The following SLC25A53 variants were observed in gnomAD, a reference collection of about 807,000 sequenced individuals.
SLC25A53 encodes the protein solute carrier family 25 member 53, also known as mitochondrial carrier triple repeat protein 6.
In SLC25A53, 5 loss-of-function variants were observed where a neutral mutation model predicts 15.0. The ratio of observed to expected loss-of-function variants is 0.33; its 90% CI spans 0.17 to 0.70. The LOEUF (loss-of-function observed/expected upper bound fraction) is 0.70. Among genes scored for constraint, SLC25A53 ranks in the 30% least tolerant of loss-of-function variants. SLC25A53 has a pLI of 0.67. For synonymous variants in SLC25A53, 95 were observed against 100.0 expected, an observed-to-expected ratio of 0.95 and a Z score of 0.30; for missense variants, 216 against 241.6, an observed-to-expected ratio of 0.89 and a Z score of 0.70.
At chrX:104,148,657 G>A (rs2075476239) in intron 1 of SLC25A53, among the ~76,000 whole-genome samples, 1 of 110,127 alleles carries the variant, frequency 9.1e-6, no homozygotes, top group East Asian at 2.9e-4. Flanking sequence ...CACAGGAAGG[G>A]GAACATCACA....
intron 1 of SLC25A53, among the ~76,000 whole-genome samples, chrX:104,136,253 A>G (rs2075436468): frequency 1.8e-5 from 2 of 111,383 alleles, no homozygotes; most frequent in African/African-American, 3.3e-5. Flanking sequence ...GTCTCAAAAG[A>G]TGTCAGTTTT....
At chrX:104,136,623 T>G (rs188882148) in intron 1 of SLC25A53, among the ~76,000 whole-genome samples, 22 of 112,197 alleles carry the variant, frequency 2.0e-4, no homozygotes, top group African/African-American at 7.1e-4. Flanking sequence ...CTATCTAGCA[T>G]CCCTTTACTT....
chrX:104,140,650 A>C (rs2075448521), intron 1 of SLC25A53, among the ~76,000 whole-genome samples: 1 of 111,534 alleles, frequency 9.0e-6, no homozygotes, highest in African/African-American at 3.3e-5. Flanking sequence ...GGAATACCAT[A>C]AACAGTAGAG....
rs368560713 is a variant in SLC25A53 at position 104,104,121 on chromosome X, G to A, written c.*213C>T. On this transcript the variant is annotated 3_prime_UTR_variant, in exon 2 of 2. Coordinates refer to ENST00000594199, the MANE Select transcript of SLC25A53 (RefSeq NM_001012755.5). ...TGGCTCTGAGGCTACTGAAACTGTGGAGAGACTGGGGTGAACGTTTCTTTT... is the reference window on the plus strand; with the variant it reads ...TGGCTCTGAGGCTACTGAAACTGTGAAGAGACTGGGGTGAACGTTTCTTTT... 2.5e-6 allele frequency: 1 copy of A among 398,679 alleles called. No homozygotes were observed. Among genetic ancestry groups the A allele is most frequent in the African/African-American group, 2.5e-5 (1 of 39,945 alleles). The allele number at this position is 398,679 out of a possible 1,213,427, so 32.9% of individuals were successfully genotyped here. A position where few individuals can be genotyped will look rare whatever the true frequency, so the allele number is the denominator to read the frequency against.
At chrX:104,123,584 T>C (rs1219374995) in intron 1 of SLC25A53, among the ~76,000 whole-genome samples, 1 of 111,169 alleles carries the variant, frequency 9.0e-6, no homozygotes, top group African/African-American at 3.3e-5. Flanking sequence ...TTTAAAATTA[T>C]ACTTTAAGTT....
At chrX:104,114,016 C>T (rs2075362698) in intron 1 of SLC25A53, 2 of 1,168,192 alleles carry the variant, frequency 1.7e-6, no homozygotes, top group East Asian at 3.0e-5. Flanking sequence ...AAGGCAGGCA[C>T]AGCCCAGGAA....
chrX:104,144,486 C>T (rs2075460124), intron 1 of SLC25A53, among the ~76,000 whole-genome samples: 1 of 110,982 alleles, frequency 9.0e-6, no homozygotes, highest in African/African-American at 3.3e-5. Flanking sequence ...CAGTAGAGGT[C>T]CACTCCAGAC....
At chrX:104,156,284 T>C (rs1402971379) in intron 1 of SLC25A53, among the ~76,000 whole-genome samples, 4 of 110,678 alleles carry the variant, frequency 3.6e-5, no homozygotes, top group African/African-American at 1.3e-4. Context: ...TGGCACCCAA[T>C]AGATTTTCAT....
chrX:104,152,689 C>G (rs973812494), intron 1 of SLC25A53, among the ~76,000 whole-genome samples: 6 of 111,569 alleles, frequency 5.4e-5, no homozygotes, highest in Admixed American at 1.9e-4. Context: ...CCACCTGCCT[C>G]GGCCTCCTAA....
At chrX:104,107,178 C>G (rs1556356486) in intron 1 of SLC25A53, among the ~76,000 whole-genome samples, 1 of 111,553 alleles carries the variant, frequency 9.0e-6, no homozygotes, top group East Asian at 2.8e-4. Flanking sequence ...TTTGCTCCAT[C>G]CATTTTCTCA....
rs2075272613 is a variant in SLC25A53 at position 104,099,538 on chromosome X, T to C, written c.*4796A>G. On this transcript the variant is annotated 3_prime_UTR_variant, in exon 2 of 2. Transcript: ENST00000594199. Reference sequence around the variant, plus strand: ...AATAAAAATGGATCAACTACAGCTATCTGCAATATCAATGAGTCTCACAAG... The same window carrying C: ...AATAAAAATGGATCAACTACAGCTACCTGCAATATCAATGAGTCTCACAAG... The C allele has an allele frequency of 8.9e-6, 1 of 112,353 alleles. No homozygotes were observed. Among genetic ancestry groups the C allele is most frequent in the Non-Finnish European group, 1.9e-5 (1 of 53,292 alleles). 9.3% of individuals were successfully genotyped at this position (112,353 alleles called of 1,213,427 possible). A position where few individuals can be genotyped will look rare whatever the true frequency, so the allele number is the denominator to read the frequency against.
intron 1 of SLC25A53, among the ~76,000 whole-genome samples, chrX:104,116,572 G>A (rs1366203279): frequency 1.8e-5 from 2 of 111,439 alleles, no homozygotes; most frequent in African/African-American, 6.5e-5. Context: ...ACAGGGACAG[G>A]AGGCCTGGCA....
In SLC25A53 at chrX:104,099,798, C is replaced by G. The variant is rs1556351799; in HGVS notation, c.*4536G>C. ...GGTTATTAAAGGGCTCTATTTCTTG[C>G]TCTGGCTGGTTATTACATGGGTGAT... On this transcript the variant is annotated 3_prime_UTR_variant, in exon 2 of 2. Transcript: ENST00000594199. 8.9e-6 allele frequency: 1 copy of G among 111,788 alleles called. No homozygotes were observed. The highest frequency in any genetic ancestry group is 1.9e-5 in the Non-Finnish European group (1 of 53,156). The allele number at this position is 111,788 out of a possible 1,213,427, so 9.2% of individuals were successfully genotyped here. A position where few individuals can be genotyped will look rare whatever the true frequency, so the allele number is the denominator to read the frequency against.
chrX:104,125,042 G>A (rs541417015), intron 1 of SLC25A53, among the ~76,000 whole-genome samples: 3 of 107,610 alleles, frequency 2.8e-5, no homozygotes, highest in Non-Finnish European at 3.8e-5. Context: ...ATGGGGTTTC[G>A]CCATGTTGGC....
chrX:104,121,922 T>TATAG (rs1569462370), intron 1 of SLC25A53, among the ~76,000 whole-genome samples: 3 of 45,381 alleles, frequency 6.6e-5, no homozygotes, highest in African/African-American at 2.4e-4. Flanking sequence ...TATATATATA[T>TATAG]ATATATATAT....
At chrX:104,114,245 T>C in intron 1 of SLC25A53, 3 of 1,208,950 alleles carry the variant, frequency 2.5e-6, no homozygotes, top group Non-Finnish European at 3.4e-6. Flanking sequence ...GAGAGAAACA[T>C]GAAGTTGTTC....
At chrX:104,139,677 G>T (rs2075445850) in intron 1 of SLC25A53, among the ~76,000 whole-genome samples, 1 of 111,306 alleles carries the variant, frequency 9.0e-6, no homozygotes, top group Non-Finnish European at 1.9e-5. Context: ...AGCTGGGTGT[G>T]GTGGTGTGTG....
intron 1 of SLC25A53, among the ~76,000 whole-genome samples, chrX:104,107,417 G>T (rs1222769621): frequency 8.9e-6 from 1 of 111,941 alleles, no homozygotes; most frequent in Non-Finnish European, 1.9e-5. Context: ...AAACTCAAGA[G>T]GCCCACTCTT....
intron 1 of SLC25A53, chrX:104,113,909 T>A (rs2075362187): frequency 1.8e-6 from 1 of 552,023 alleles, no homozygotes. Context: ...ACTGCAAGGC[T>A]ATTCAGGAAG....
Sources: gnomAD v4.1 joint callset for allele counts (sites outside exome capture counted in the v4.1 genomes callset) on GRCh38, gnomAD v4.1.1 for gene constraint, MANE v1.5 for transcripts, NCBI Gene and HGNC (gene_info 2026-07-23, HGNC 2026-07-21) for gene names.